TRIP12: variants seen among roughly 807,000 people sequenced by gnomAD.
The protein encoded by TRIP12 is thyroid hormone receptor interactor 12.
TRIP12 carries 25 observed loss-of-function variants against 244.2 expected under a neutral mutation model. The ratio of observed to expected loss-of-function variants is 0.10; its 90% CI spans 0.07 to 0.14. The LOEUF (loss-of-function observed/expected upper bound fraction) is 0.14. Among genes scored for constraint, TRIP12 ranks in the 10% least tolerant of loss-of-function variants. The probability of loss-of-function intolerance (pLI) is 1.00; values close to 1 mark genes in which losing one functional copy is unlikely to be tolerated. For missense variants in TRIP12, 1,677 were observed against 2,486.4 expected, an observed-to-expected ratio of 0.67 and a Z score of 6.92; for synonymous variants, 905 against 873.1, an observed-to-expected ratio of 1.04 and a Z score of -0.64.
chr2:229,828,688 A>T (rs2052428461), intron 8 of TRIP12, among the ~76,000 whole-genome samples: 1 of 152,038 alleles, frequency 6.6e-6, no homozygotes, highest in African/African-American at 2.4e-5. Flanking sequence ...GGAGGACTGG[A>T]CCCGAGAGGC....
At chr2:229,906,863 A>T (rs1474647870) in intron 1 of TRIP12, among the ~76,000 whole-genome samples, 1 of 152,202 alleles carries the variant, frequency 6.6e-6, no homozygotes, top group East Asian at 1.9e-4. Flanking sequence ...CTATATCAAA[A>T]TAAAGACATC....
chr2:229,806,100 T>C, intron 17 of TRIP12: 1 of 388,616 alleles, frequency 2.6e-6, no homozygotes, highest in South Asian at 8.8e-5. Context: ...GCCTCAAGCC[T>C]TATCAGGGAC....
chr2:229,871,142 T>C (rs2154346231), intron 2 of TRIP12, among the ~76,000 whole-genome samples: 1 of 136,948 alleles, frequency 7.3e-6, no homozygotes, highest in South Asian at 2.3e-4. Context: ...CCACTGCACT[T>C]CAGCCTGGGC....
In TRIP12 at chr2:229,787,719, A is replaced by G. The variant is rs575034642; in HGVS notation, c.4839-58T>C. 67 of 1,426,650 alleles carry G rather than the reference A, an allele frequency of 4.7e-5. No individual in the cohort carries two copies. In the African/African-American group the frequency reaches 8.9e-4, roughly 19 times the overall value. 88.4% of individuals were successfully genotyped at this position (1,426,650 alleles called of 1,614,324 possible). A position where few individuals can be genotyped will look rare whatever the true frequency, so the allele number is the denominator to read the frequency against. ...GGATGAGAATCAGAAACTACTAAAA[A>G]AAAAATCCAAACTTATATTAGAAAC... is the stretch of plus-strand genomic sequence containing the variant. On this transcript the variant is annotated intron_variant, in intron 32 of 41. Coordinates refer to ENST00000675903, the MANE Select transcript of TRIP12 (RefSeq NM_001348323.3).
rs1559909489 is a variant in TRIP12 at position 229,858,826 on chromosome 2, A to G, written c.973T>C (p.Ser325Pro). Residue 325 changes from serine to proline, a missense_variant, in exon 4 of 42, where the codon TCT (serine) becomes CCT (proline). This residue lies in a region of TRIP12 where 387 missense variants were observed against 392.6 expected (regional missense o/e 0.99). Coordinates refer to ENST00000675903, the MANE Select transcript of TRIP12 (RefSeq NM_001348323.3). ...PKTKLSLPGSSKSETSKPGPS... is the reference protein window; with the variant it reads ...PKTKLSLPGSPKSETSKPGPS... ...CCAGGTTTTGATGTCTCTGACTTAG[A>G]AGACCCTGGAAGAGACAGTTTTGTT... The G allele has an allele frequency of 1.2e-6, 2 of 1,613,146 alleles. No individual in the cohort carries two copies. The highest frequency in any genetic ancestry group is 8.5e-7 in the Non-Finnish European group (1 of 1,179,318).
chr2:229,805,623 A>G (rs964418608), intron 18 of TRIP12, 107 bp downstream of exon 18: 13 of 1,150,484 alleles, frequency 1.1e-5, no homozygotes, highest in African/African-American at 1.1e-4. Context: ...TTGTTATGCA[A>G]TTGTCTTAAG....
intron 2 of TRIP12, among the ~76,000 whole-genome samples, chr2:229,869,160 T>C (rs1408406071): frequency 6.6e-6 from 1 of 152,190 alleles, no homozygotes; most frequent in Non-Finnish European, 1.5e-5. Flanking sequence ...TTTCCTGTAG[T>C]ATTATCTAAC....
At chr2:229,858,344 C>A (rs1263168772) in intron 4 of TRIP12, among the ~76,000 whole-genome samples, 2 of 152,200 alleles carry the variant, frequency 1.3e-5, no homozygotes, top group Non-Finnish European at 2.9e-5. Context: ...GCCTAGGCGA[C>A]AGAGTGAGAC....
intron 1 of TRIP12, among the ~76,000 whole-genome samples, chr2:229,895,893 A>G (rs1033686127): frequency 6.6e-6 from 1 of 152,164 alleles, no homozygotes; most frequent in South Asian, 2.1e-4. Context: ...AGAGCTGTGC[A>G]GGAGGATCGC....
Position 229,804,061 on chromosome 2 carries a change from C to A in TRIP12, c.2817G>T (p.Arg939Ser). 6.2e-7 allele frequency: 1 copy of A among 1,614,080 alleles called. No individual in the cohort carries two copies. The highest frequency in any genetic ancestry group is 1.1e-5 in the South Asian group (1 of 91,078). ...GTTCAGCATCCGCAAAATAAATTAT[C>A]CTAAGAATTGCTCTAAGGCACTTAT... ...VRHKCLRAILRIIYFADAELL... is the reference protein window; with the variant it reads ...VRHKCLRAILSIIYFADAELL... Residue 939 changes from arginine (R) to serine (S), a missense_variant, in exon 19 of 42, where the codon AGG becomes AGT. Coordinates refer to ENST00000675903, the MANE Select transcript of TRIP12 (RefSeq NM_001348323.3).
At chr2:229,828,344 T>G (rs1326003705) in intron 8 of TRIP12, among the ~76,000 whole-genome samples, 1 of 95,208 alleles carries the variant, frequency 1.1e-5, no homozygotes, top group Non-Finnish European at 2.6e-5. Flanking sequence ...AGTGATTTGT[T>G]TTTTTTTTTT....
At chr2:229,900,612 C>T (rs2070432431) in intron 1 of TRIP12, 1 of 152,114 alleles carries the variant, frequency 6.6e-6, no homozygotes, top group Non-Finnish European at 1.5e-5. Context: ...CCTGTAATCC[C>T]AGCAATTGGG....
At chr2:229,817,693 A>C (rs2048848892) in intron 9 of TRIP12, among the ~76,000 whole-genome samples, 1 of 152,170 alleles carries the variant, frequency 6.6e-6, no homozygotes, top group Admixed American at 6.5e-5. Context: ...TTCCAGGTTC[A>C]AGTGACTGTC....
intron 34 of TRIP12, among the ~76,000 whole-genome samples, chr2:229,781,177 A>G (rs770705586): frequency 6.6e-6 from 1 of 152,214 alleles, no homozygotes; most frequent in Non-Finnish European, 1.5e-5. Flanking sequence ...CAGCACCCCC[A>G]CAGAGTAACC....
intron 4 of TRIP12, among the ~76,000 whole-genome samples, chr2:229,855,895 A>C (rs894205516): frequency 6.6e-6 from 1 of 151,946 alleles, no homozygotes; most frequent in African/African-American, 2.4e-5. Flanking sequence ...AAAATTAGCC[A>C]AGCATGGTGG....
chr2:229,808,472 T>C, intron 15 of TRIP12, 103 bp from the exon 16 acceptor site: 1 of 767,244 alleles, frequency 1.3e-6, no homozygotes, highest in Non-Finnish European at 2.1e-6. Context: ...AGAATCATTT[T>C]CTTACAAAGC....
At chr2:229,808,449 G>A (rs2046421187) in intron 15 of TRIP12, 80 bp from the exon 16 acceptor site, 3 of 867,272 alleles carry the variant, frequency 3.5e-6, no homozygotes, top group Non-Finnish European at 5.5e-6. Flanking sequence ...TTGCCCAAGG[G>A]GGGAAAATAA....
intron 39 of TRIP12, among the ~76,000 whole-genome samples, chr2:229,770,735 G>C (rs1239361427): frequency 6.6e-6 from 1 of 152,124 alleles, no homozygotes; most frequent in Non-Finnish European, 1.5e-5. Flanking sequence ...CCTGGTGGGA[G>C]GTAACTGAAT....
intron 2 of TRIP12, among the ~76,000 whole-genome samples, chr2:229,872,753 T>C (rs1181679894): frequency 6.6e-6 from 1 of 152,342 alleles, no homozygotes; most frequent in East Asian, 1.9e-4. Context: ...CTGCACCTTC[T>C]ACAAACTCTT....
Sources: gnomAD v4.1 joint callset for allele counts (sites outside exome capture counted in the v4.1 genomes callset) on GRCh38, gnomAD v4.1.1 for gene constraint, gnomAD v4.1.1 regional missense constraint, MANE v1.5 for transcripts, NCBI Gene and HGNC (gene_info 2026-07-23, HGNC 2026-07-21) for gene names.